The following LYSMD2 variants were observed in gnomAD, a reference collection of about 807,000 sequenced individuals.
The protein encoded by LYSMD2 is LysM domain containing 2.
LYSMD2 carries 6 observed loss-of-function variants against 17.7 expected under a neutral mutation model. That is an observed-to-expected ratio of 0.34 (90% CI 0.19 to 0.67). The LOEUF is 0.67. Among genes scored for constraint, LYSMD2 ranks in the 30% least tolerant of loss-of-function variants. LYSMD2 has a pLI of 0.69. For synonymous variants in LYSMD2, 102 were observed against 129.8 expected (o/e 0.79, Z 1.45); for missense variants, 237 against 286.7 (o/e 0.83, Z 1.25).
upstream of LYSMD2, among the ~76,000 whole-genome samples, chr15:51,742,382 A>T (rs2055647344): frequency 6.6e-6 from 1 of 152,136 alleles, no homozygotes; most frequent in African/African-American, 2.4e-5. Context: ...ATCACTTCTA[A>T]TCTACTTTCG....
At chr15:51,739,347 A>AT (rs537408430), upstream of LYSMD2, among the ~76,000 whole-genome samples, 594 of 152,308 alleles carry the variant, frequency 3.9e-3, 6 homozygotes, top group African/African-American at 0.014. Context: ...AATAAAAAAA[A>AT]AAATAAATAC....
Position 51,723,617 on chromosome 15 carries a change from T to C in LYSMD2, c.638A>G (p.Tyr213Cys). 6.2e-7 allele frequency: 1 copy of C among 1,607,818 alleles called. No homozygotes were observed. The highest frequency in any genetic ancestry group is 8.5e-7 in the Non-Finnish European group (1 of 1,176,094). The part of the protein sequence containing the change: ...DEESPYATSL[Y>C]HS The stretch of plus-strand genomic sequence containing the variant: ...ATGCCCCCAAATCACCTAACTGTGA[T>C]AGAGGGAAGTTGCATAGGGACTTTC... The change falls in exon 3 of 3, where the codon TAT becomes TGT. Residue 213 changes from tyrosine to cysteine, a missense_variant. Coordinates refer to ENST00000267838, the MANE Select transcript of LYSMD2 (RefSeq NM_153374.3).
chr15:51,730,725 T>C (rs1191482848), intron 1 of LYSMD2, among the ~76,000 whole-genome samples: 2 of 152,214 alleles, frequency 1.3e-5, no homozygotes, highest in East Asian at 3.8e-4. Flanking sequence ...TTAAAAGATA[T>C]AAGCTCATCC....
upstream of LYSMD2, chr15:51,738,281 A>T (rs1163806808): frequency 6.6e-6 from 1 of 152,070 alleles, no homozygotes. Context: ...TAGTGCTTCT[A>T]AGGCCTAATG....
chr15:51,739,464 T>C (rs1301839183), upstream of LYSMD2, among the ~76,000 whole-genome samples: 1 of 152,240 alleles, frequency 6.6e-6, no homozygotes, highest in Non-Finnish European at 1.5e-5. Flanking sequence ...GTATCCAGTG[T>C]GTCCATTTCA....
chr15:51,742,978 A>G (rs763056829), intron 1 of LYSMD2, among the ~76,000 whole-genome samples: 5 of 152,166 alleles, frequency 3.3e-5, no homozygotes, highest in Admixed American at 6.5e-5. Flanking sequence ...ACATACATGC[A>G]TACATACATA....
At chr15:51,738,145 C>G (rs80210442), upstream of LYSMD2, 1 of 127,012 alleles carries the variant, frequency 7.9e-6, no homozygotes, top group Non-Finnish European at 1.6e-5. Flanking sequence ...TCCCTCCCCC[C>G]ACCCCAGTGA....
intron 2 of LYSMD2, among the ~76,000 whole-genome samples, chr15:51,724,313 A>C (rs1201469922): frequency 6.6e-6 from 1 of 152,214 alleles, no homozygotes; most frequent in Non-Finnish European, 1.5e-5. Flanking sequence ...AACAAATAAC[A>C]GACAATGTCT....
At chr15:51,726,185 T>G (rs1161143803) in intron 1 of LYSMD2, among the ~76,000 whole-genome samples, 1 of 152,232 alleles carries the variant, frequency 6.6e-6, no homozygotes, top group Non-Finnish European at 1.5e-5. Flanking sequence ...GATGGTCTTT[T>G]GTGTTCTCGT....
At chr15:51,732,057 T>G (rs1028383189) in intron 1 of LYSMD2, among the ~76,000 whole-genome samples, 1 of 152,160 alleles carries the variant, frequency 6.6e-6, no homozygotes, top group African/African-American at 2.4e-5. Flanking sequence ...AAGCCTAAAC[T>G]TATATGTCAT....
At position 51,731,423 on chromosome 15, in the gene LYSMD2, T is replaced by C. The variant is rs186526237; in HGVS notation, c.273+5927A>G. 2.5e-4 allele frequency among the ~76,000 whole-genome samples: 38 copies of C among 152,370 alleles called. No individual in the cohort carries two copies. In the Middle Eastern group the frequency reaches 0.024, roughly 95 times the overall value. ...TGAACACTAAAGATTTACATGCACC[T>C]GAGTTTCTAAATCACAATGTTTATT... is the stretch of plus-strand genomic sequence containing the variant. On this transcript the variant is annotated intron_variant, in intron 1 of 2. Coordinates refer to ENST00000267838, the MANE Select transcript of LYSMD2 (RefSeq NM_153374.3).
At position 51,723,580 on chromosome 15, in the gene LYSMD2, T is replaced by C; in HGVS notation, c.*27A>G. 2 of 1,571,010 alleles carry C rather than the reference T, an allele frequency of 1.3e-6. No individual in the cohort carries two copies. The highest frequency in any genetic ancestry group is 1.8e-6 in the Non-Finnish European group (2 of 1,141,706). ...TTTATGGTCCAAACATATCTTAATT[T>C]TGGTTAGAGTTATGCCCCCAAATCA... On this transcript the variant is annotated 3_prime_UTR_variant, in exon 3 of 3. Coordinates refer to ENST00000267838, the MANE Select transcript of LYSMD2 (RefSeq NM_153374.3).
chr15:51,748,521 A>G (rs982665670), intron 1 of LYSMD2, among the ~76,000 whole-genome samples: 2 of 152,230 alleles, frequency 1.3e-5, no homozygotes, highest in South Asian at 2.1e-4. Flanking sequence ...AACACTTAGG[A>G]TGCTTTCAGC....
chr15:51,739,233 T>G (rs1001776057), upstream of LYSMD2, among the ~76,000 whole-genome samples: 1 of 152,244 alleles, frequency 6.6e-6, no homozygotes, highest in Non-Finnish European at 1.5e-5. Context: ...TACTTGCATG[T>G]ACATGCATGA....
chr15:51,728,131 A>T (rs2055551922), intron 1 of LYSMD2, among the ~76,000 whole-genome samples: 2 of 152,176 alleles, frequency 1.3e-5, no homozygotes, highest in Admixed American at 6.5e-5. Flanking sequence ...CATGTAAAGT[A>T]TTTAGAACAA....
intron 1 of LYSMD2, among the ~76,000 whole-genome samples, chr15:51,749,064 T>C (rs2055683822): frequency 6.6e-6 from 1 of 152,242 alleles, no homozygotes; most frequent in South Asian, 2.1e-4. Context: ...GTAAGGTCCC[T>C]TCCAGCTCCA....
intron 1 of LYSMD2, among the ~76,000 whole-genome samples, chr15:51,748,283 AAAAAAG>A (rs1428619430): frequency 1.4e-5 from 2 of 142,992 alleles, no homozygotes; most frequent in Admixed American, 7.1e-5. Context: ...AAAAAAAAAA[AAAAAAG>A]ATGAAGAAAA....
intron 1 of LYSMD2, among the ~76,000 whole-genome samples, chr15:51,735,028 A>C (rs899211392): frequency 3.3e-5 from 5 of 152,242 alleles, no homozygotes; most frequent in African/African-American, 1.2e-4. Context: ...TACAAAAATT[A>C]GCTGGGCATG....
At chr15:51,734,192 A>C (rs1201662038) in intron 1 of LYSMD2, among the ~76,000 whole-genome samples, 1 of 152,056 alleles carries the variant, frequency 6.6e-6, no homozygotes, top group East Asian at 1.9e-4. Context: ...CAAAAACAAA[A>C]ACAAACAAAC....
Sources: allele counts gnomAD v4.1 joint callset (sites outside exome capture counted in the v4.1 genomes callset), GRCh38; gene constraint gnomAD v4.1.1; transcripts MANE v1.5; gene names NCBI Gene and HGNC (gene_info 2026-07-23, HGNC 2026-07-21).